The following DGKZ variants were observed in gnomAD, a reference collection of about 807,000 sequenced individuals.
DGKZ encodes the protein diacylglycerol kinase zeta.
A neutral mutation model predicts 142.5 loss-of-function variants in DGKZ; 45 were observed. That is an observed-to-expected ratio of 0.32 (90% CI 0.25 to 0.40). The LOEUF is 0.40. DGKZ is among the 10% of genes least tolerant of loss of function. DGKZ has a pLI of 1.00. For synonymous variants in DGKZ, 442 were observed against 527.0 expected (o/e 0.84, Z 2.21); for missense variants, 755 against 1,306.5 (o/e 0.58, Z 6.51).
chr11:46,367,567 C>A lies in DGKZ; in HGVS notation c.271-85C>A. 1.4e-6 allele frequency: 1 copy of A among 711,212 alleles called. No homozygotes were observed. Among genetic ancestry groups the A allele is most frequent in the South Asian group, 2.3e-5 (1 of 44,288 alleles). 44.1% of individuals were successfully genotyped at this position (711,212 alleles called of 1,614,324 possible). On this transcript the variant is annotated intron_variant, in intron 2 of 30. Coordinates refer to ENST00000527911, the Ensembl canonical transcript of DGKZ. This position sits in a 1 kb window ranked among gnomAD's most constrained non-coding sequence, Gnocchi z 4.1. Reference sequence around the variant, plus strand: ...GATCGGGGCGCTGGAGTGGGTTTGTCTTGGGAGAGGGCGGGTGGGCGGGGG... The same window carrying A: ...GATCGGGGCGCTGGAGTGGGTTTGTATTGGGAGAGGGCGGGTGGGCGGGGG...
rs776489424 is a variant in DGKZ, at chr11:46,366,708, C to T, written c.162-583C>T. ...CCACCCCCACCTCGGGGCGCCCAGC[C>T]GCTGTTGCCCCTACCCCGCTACCTG... On this transcript the variant is annotated intron_variant, in intron 1 of 30. Transcript: ENST00000527911. 32 of 1,560,134 alleles carry T rather than the reference C, an allele frequency of 2.1e-5. No homozygotes were observed. The highest frequency in any genetic ancestry group is 4.1e-5 in the African/African-American group (3 of 73,594).
intron 1 of DGKZ, among the ~76,000 whole-genome samples, chr11:46,335,949 A>G (rs1483185899): frequency 6.6e-6 from 1 of 152,146 alleles, no homozygotes; most frequent in Non-Finnish European, 1.5e-5. Flanking sequence ...CCCTTTTCAC[A>G]TCCTCCACAT....
At chr11:46,366,148 C>G (rs1943216138) in intron 1 of DGKZ, 2 of 1,404,456 alleles carry the variant, frequency 1.4e-6, no homozygotes, top group South Asian at 1.6e-5. Context: ...GGTTGCTTCC[C>G]TTCTCATGGG....
intron 1 of DGKZ, chr11:46,365,402 TCTTACCATCAGCA>T: frequency 1.0e-6 from 1 of 985,352 alleles, no homozygotes; most frequent in Non-Finnish European, 1.2e-6. Flanking sequence ...ACCAGAAAGT[TCTTACCATCAGCA>T]CTTCAGACAT....
chr11:46,333,196 C>T (rs1365580339), exon 1 of DGKZ: 3 of 1,181,112 alleles, frequency 2.5e-6, no homozygotes, highest in African/African-American at 3.2e-5. Context: ...CTCGCGTCCC[C>T]GGCCCGGGCG....
intron 4 of DGKZ, chr11:46,369,274 C>T (rs1157252601): frequency 1.6e-6 from 1 of 629,884 alleles, no homozygotes; most frequent in Admixed American, 2.3e-5. Context: ...ATCCTGGGTC[C>T]TGGGTGGAAG....
At chr11:46,343,594 A>G (rs1940384442), upstream of DGKZ, among the ~76,000 whole-genome samples, 1 of 152,234 alleles carries the variant, frequency 6.6e-6, no homozygotes, top group African/African-American at 2.4e-5. Context: ...GAGTGAATAT[A>G]TGCCCTAGTA....
At chr11:46,368,568 C>T (rs925638767) in intron 4 of DGKZ, 1 of 278,354 alleles carries the variant, frequency 3.6e-6, no homozygotes, top group South Asian at 3.2e-5. Flanking sequence ...CAGAAGGGTT[C>T]GCATGGAGGG....
chr11:46,333,445 A>G (rs1430806219), exon 1 of DGKZ: 1 of 1,534,606 alleles, frequency 6.5e-7, no homozygotes, highest in Non-Finnish European at 8.8e-7. Context: ...CCGGTGGAGG[A>G]GCGTTTCCGC....
chr11:46,349,311 T>C (rs1282468274), intron 1 of DGKZ, among the ~76,000 whole-genome samples: 1 of 152,172 alleles, frequency 6.6e-6, no homozygotes, highest in Non-Finnish European at 1.5e-5. Context: ...CTGCAGGATG[T>C]AGCCTCCAGT....
rs950862000 is a variant in DGKZ at position 46,367,666 on chromosome 11, T to C, written c.285T>C (p.Tyr95=). 1 of 1,603,922 alleles carries C rather than the reference T, an allele frequency of 6.2e-7. No homozygotes were observed. The highest frequency in any genetic ancestry group is 8.5e-7 in the Non-Finnish European group (1 of 1,173,684). ...CCCGTGGCTAGGAGTCAGCGACATA[T>C]GGGGAGCACATCTGGTTCGAGACCA... Residue 95 remains tyrosine, a synonymous_variant, in exon 3 of 31, where the codon TAT becomes TAC. Transcript: ENST00000527911. This position sits in a 1 kb window ranked among gnomAD's most constrained non-coding sequence, Gnocchi z 4.1.
intron 1 of DGKZ, among the ~76,000 whole-genome samples, chr11:46,351,160 C>T (rs1941336270): frequency 6.6e-6 from 1 of 152,126 alleles, no homozygotes; most frequent in Non-Finnish European, 1.5e-5. Flanking sequence ...GGAGGACCCG[C>T]TTATCCTCTG....
chr11:46,334,573 T>C (rs1345046458), intron 1 of DGKZ, among the ~76,000 whole-genome samples: 3 of 152,124 alleles, frequency 2.0e-5, no homozygotes, highest in South Asian at 2.1e-4. Context: ...GCTCCATCAC[T>C]TGGGGGAGGA....
chr11:46,363,349 C>T (rs901004371), intron 1 of DGKZ, among the ~76,000 whole-genome samples: 1 of 152,228 alleles, frequency 6.6e-6, no homozygotes, highest in African/African-American at 2.4e-5. Flanking sequence ...AAATTGTCAG[C>T]TCAGCCACTC....
rs562084906 is a variant in DGKZ, at chr11:46,374,304, C to T, written c.1405+69C>T. 117 of 1,612,108 alleles carry T rather than the reference C, an allele frequency of 7.3e-5. No homozygotes were observed. In the African/African-American group the frequency reaches 1.4e-3, roughly 20 times the overall value. ...GTGTCCCCGGGAGGGTCAGACCCTG[C>T]TCCCGCCAGTGAAGGCATCCATCCC... On this transcript the variant is annotated intron_variant, in intron 15 of 30. Transcript: ENST00000527911.
intron 1 of DGKZ, among the ~76,000 whole-genome samples, chr11:46,357,827 C>T (rs1462529390): frequency 6.6e-6 from 1 of 152,180 alleles, no homozygotes; most frequent in Non-Finnish European, 1.5e-5. Flanking sequence ...AGCTGCTTAT[C>T]AGGTAGAGAG....
rs1943418134 is a variant in DGKZ at position 46,367,288 on chromosome 11, T to C, written c.162-3T>C. ...CCCTCCTCAGCTGTCTTCTCCTCTC[T>C]AGGAAAGCCATCACCAAGTCGGGCC... On this transcript the variant is annotated splice_polypyrimidine_tract_variant and splice_region_variant and intron_variant, in intron 1 of 30. Transcript: ENST00000527911. This position sits in a 1 kb window ranked among gnomAD's most constrained non-coding sequence, Gnocchi z 4.1. 4 of 1,611,000 alleles carry C rather than the reference T, an allele frequency of 2.5e-6. No individual in the cohort carries two copies. Among genetic ancestry groups the C allele is most frequent in the Non-Finnish European group, 3.4e-6 (4 of 1,179,354 alleles).
Position 46,372,212 on chromosome 11 carries a change from G to A in DGKZ, c.927+42G>A, listed in dbSNP as rs750260386. 2 of 1,527,142 alleles carry A rather than the reference G, an allele frequency of 1.3e-6. No individual in the cohort carries two copies. Among genetic ancestry groups the A allele is most frequent in the Non-Finnish European group, 1.8e-6 (2 of 1,126,528 alleles). The allele number at this position is 1,527,142 out of a possible 1,614,324, so 94.6% of individuals were successfully genotyped here. A position where few individuals can be genotyped will look rare whatever the true frequency, so the allele number is the denominator to read the frequency against. On this transcript the variant is annotated intron_variant, in intron 10 of 30. Coordinates refer to ENST00000527911, the Ensembl canonical transcript of DGKZ. The surrounding 1 kb of genome is among the most constrained non-coding windows in gnomAD (Gnocchi z 5.9). ...CTCTCAGCTAAGGGCTCGGGCGGGG[G>A]TTGGGGTCCAGCCCGTCTGCCAGCA...
At chr11:46,345,174 T>TA, upstream of DGKZ, 1 of 1,019,280 alleles carries the variant, frequency 9.8e-7, no homozygotes, top group South Asian at 2.9e-5. This position sits in a 1 kb window ranked among gnomAD's most constrained non-coding sequence, Gnocchi z 4.1. Context: ...CAGGTGCAGA[T>TA]TCCAGCCCAA....
Sources: allele counts gnomAD v4.1 joint callset (sites outside exome capture counted in the v4.1 genomes callset), GRCh38; gene constraint gnomAD v4.1.1; non-coding constraint Gnocchi (gnomAD v3.1); transcripts MANE v1.5; gene names NCBI Gene and HGNC (gene_info 2026-07-23, HGNC 2026-07-21).